Variants in ST6GALNAC3 observed in about 807,000 individuals in gnomAD.
The protein encoded by ST6GALNAC3 is ST6 N-acetylgalactosaminide alpha-2,6-sialyltransferase 3.
A neutral mutation model predicts 32.7 loss-of-function variants in ST6GALNAC3; 25 were observed. The observed-to-expected ratio is 0.76, with a 90% confidence interval of 0.56 to 1.07. The LOEUF (loss-of-function observed/expected upper bound fraction) is 1.07, where lower values mean the gene tolerates loss of function less well. Ranked by LOEUF, ST6GALNAC3 falls within the 50% of genes least tolerant of loss-of-function variation. The pLI is 0.00. For synonymous variants in ST6GALNAC3, 129 were observed against 133.1 expected (o/e 0.97, Z 0.21); for missense variants, 355 against 382.4 (o/e 0.93, Z 0.60).
intron 3 of ST6GALNAC3, among the ~76,000 whole-genome samples, chr1:76,565,298 A>G (rs1665489560): frequency 1.3e-5 from 2 of 152,144 alleles, no homozygotes; most frequent in African/African-American, 4.8e-5. Context: ...ACAGGCGTTA[A>G]AGATTTTGGA....
At chr1:76,537,912 G>C (rs1663724589) in intron 3 of ST6GALNAC3, among the ~76,000 whole-genome samples, 1 of 152,032 alleles carries the variant, frequency 6.6e-6, no homozygotes, top group South Asian at 2.1e-4. Context: ...ATGACCAGAT[G>C]GATTCACAGC....
At chr1:76,551,345 T>A (rs1347981903) in intron 3 of ST6GALNAC3, among the ~76,000 whole-genome samples, 1 of 152,228 alleles carries the variant, frequency 6.6e-6, no homozygotes, top group Non-Finnish European at 1.5e-5. Flanking sequence ...AAACTTGACA[T>A]AACTTTGTTT....
chr1:76,425,367 C>T (rs1234642353), intron 3 of ST6GALNAC3, among the ~76,000 whole-genome samples: 2 of 151,980 alleles, frequency 1.3e-5, no homozygotes, highest in Non-Finnish European at 2.9e-5. Flanking sequence ...TGTTTACTAA[C>T]ATACAACCAT....
chr1:76,553,580 T>G (rs1029633440), intron 3 of ST6GALNAC3, among the ~76,000 whole-genome samples: 8 of 152,224 alleles, frequency 5.3e-5, no homozygotes, highest in African/African-American at 1.9e-4. Context: ...TGCAAGGGCT[T>G]GACTTCTTAG....
chr1:76,481,520 C>A (rs1483723194), intron 3 of ST6GALNAC3, among the ~76,000 whole-genome samples: 1 of 152,152 alleles, frequency 6.6e-6, no homozygotes, highest in Non-Finnish European at 1.5e-5. Context: ...TGATTCTTGA[C>A]TCTCTTTGGT....
At chr1:76,082,407 G>A (rs1284580898) in intron 1 of ST6GALNAC3, among the ~76,000 whole-genome samples, 3 of 152,156 alleles carry the variant, frequency 2.0e-5, no homozygotes, top group African/African-American at 7.2e-5. Context: ...CTGCCAATTA[G>A]CGCCTTCACC....
intron 2 of ST6GALNAC3, among the ~76,000 whole-genome samples, chr1:76,359,830 G>C (rs922701390): frequency 3.9e-5 from 6 of 152,174 alleles, no homozygotes; most frequent in African/African-American, 7.2e-5. Context: ...ATGAAGATAG[G>C]TGAATGATTA....
chr1:76,421,508 A>G (rs887472577), intron 3 of ST6GALNAC3, among the ~76,000 whole-genome samples: 2 of 152,036 alleles, frequency 1.3e-5, no homozygotes, highest in African/African-American at 4.8e-5. Flanking sequence ...CCCAAAGTCA[A>G]AGTTATACTC....
chr1:76,427,596 A>G (rs1655482877), intron 3 of ST6GALNAC3, among the ~76,000 whole-genome samples: 1 of 151,812 alleles, frequency 6.6e-6, no homozygotes, highest in South Asian at 2.1e-4. Context: ...TTTCTTGGGG[A>G]GGGACACTGG....
intron 3 of ST6GALNAC3, among the ~76,000 whole-genome samples, chr1:76,480,170 T>C (rs1180010391): frequency 6.6e-6 from 1 of 152,182 alleles, no homozygotes; most frequent in East Asian, 1.9e-4. Context: ...GATTTGCTTT[T>C]TATTATAGTG....
chr1:76,373,459 A>T lies in ST6GALNAC3; in HGVS notation c.214-38549A>T, dbSNP rs148230554. Among the ~76,000 whole-genome samples, 247 of 152,268 alleles carry T rather than the reference A, an allele frequency of 1.6e-3. 1 individual carries two copies. The highest frequency in any genetic ancestry group is 5.9e-3 in the African/African-American group (245 of 41,560). On this transcript the variant is annotated intron_variant, in intron 2 of 4. Transcript: ENST00000328299. ...TTGTTATTGTTAGAGTTTTTGTTTT[A>T]CTTGTGCTAAAAATAGAAGATTCCC...
At chr1:76,403,768 G>A (rs1035211614) in intron 2 of ST6GALNAC3, among the ~76,000 whole-genome samples, 5 of 151,948 alleles carry the variant, frequency 3.3e-5, no homozygotes, top group Non-Finnish European at 4.4e-5. Context: ...TTAGCAGCAC[G>A]TCCTGAGATC....
rs1009934113 is a variant in ST6GALNAC3 at position 76,631,028 on chromosome 1, T to A, written c.*2222T>A. Reference sequence around the variant, plus strand: ...AACTCTTATTTGTTCTAGCCCCTACTGATGAGAAACATTTGAAAACTTGCT... The same window carrying A: ...AACTCTTATTTGTTCTAGCCCCTACAGATGAGAAACATTTGAAAACTTGCT... On this transcript the variant is annotated 3_prime_UTR_variant, in exon 5 of 5. Transcript: ENST00000328299. The A allele has an allele frequency of 1.8e-5, 18 of 985,626 alleles. No homozygotes were observed. The African/African-American group carries it at 3.1e-4, about 17-fold the overall frequency. The allele number at this position is 985,626 out of a possible 1,614,324, so 61.1% of individuals were successfully genotyped here. A position where few individuals can be genotyped will look rare whatever the true frequency, so the allele number is the denominator to read the frequency against.
At chr1:76,388,597 T>C (rs1652279980) in intron 2 of ST6GALNAC3, among the ~76,000 whole-genome samples, 1 of 152,154 alleles carries the variant, frequency 6.6e-6, no homozygotes, top group Non-Finnish European at 1.5e-5. Flanking sequence ...TTGCTATCTA[T>C]TTTTTTCCAG....
At chr1:76,112,143 A>T (rs55811644) in intron 1 of ST6GALNAC3, among the ~76,000 whole-genome samples, 1 of 115,056 alleles carries the variant, frequency 8.7e-6, no homozygotes, top group East Asian at 3.0e-4. Context: ...CCTCCCGGAC[A>T]GGGCGGCTGG....
Position 76,212,383 on chromosome 1 carries a change from C to G in ST6GALNAC3, c.19-101422C>G, listed in dbSNP as rs567390001. On this transcript the variant is annotated intron_variant, in intron 1 of 4. Coordinates refer to ENST00000328299, the MANE Select transcript of ST6GALNAC3 (RefSeq NM_152996.4). ...CCATAAGCAGCATTCTCAAAGGGCT[C>G]GGCAGGCTGGGGCCCCCAGCCTGTG... is the stretch of plus-strand genomic sequence containing the variant. 9.9e-5 allele frequency among the ~76,000 whole-genome samples: 15 copies of G among 152,204 alleles called. 1 individual carries two copies. The highest frequency in any genetic ancestry group is 3.1e-4 in the African/African-American group (13 of 41,550).
chr1:76,222,331 T>C (rs948836026), intron 1 of ST6GALNAC3, among the ~76,000 whole-genome samples: 2 of 152,182 alleles, frequency 1.3e-5, no homozygotes, highest in Non-Finnish European at 2.9e-5. Context: ...ATTCTGGACA[T>C]AGGACCTGGC....
At chr1:76,146,542 C>G (rs1447284695) in intron 1 of ST6GALNAC3, among the ~76,000 whole-genome samples, 1 of 152,154 alleles carries the variant, frequency 6.6e-6, no homozygotes, top group Non-Finnish European at 1.5e-5. Context: ...GTCCACACTT[C>G]CAGTCAAGTG....
intron 1 of ST6GALNAC3, among the ~76,000 whole-genome samples, chr1:76,263,962 G>A (rs990340658): frequency 6.6e-6 from 1 of 152,164 alleles, no homozygotes; most frequent in South Asian, 2.1e-4. Flanking sequence ...ATATTTAAAT[G>A]TAACGGCTGT....
Sources: allele counts gnomAD v4.1 joint callset (sites outside exome capture counted in the v4.1 genomes callset), GRCh38; gene constraint gnomAD v4.1.1; transcripts MANE v1.5; gene names NCBI Gene and HGNC (gene_info 2026-07-23, HGNC 2026-07-21).